The following CHRM3 variants were observed in gnomAD, a reference collection of about 807,000 sequenced individuals.
CHRM3 encodes muscarinic acetylcholine receptor M3.
Under a neutral mutation model 41.8 loss-of-function variants are expected in CHRM3, and 11 were observed. The observed-to-expected ratio is 0.26, with a 90% CI of 0.17 to 0.44. CHRM3 has a LOEUF of 0.44. CHRM3 is among the 20% of genes least tolerant of loss of function. CHRM3 has a pLI of 1.00. For synonymous variants in CHRM3, 297 were observed against 301.4 expected (o/e 0.99, Z 0.15); for missense variants, 571 against 745.4 (o/e 0.77, Z 2.72).
At chr1:239,731,028 C>G (rs1378231468) in intron 5 of CHRM3, among the ~76,000 whole-genome samples, 2 of 151,876 alleles carry the variant, frequency 1.3e-5, no homozygotes, top group Non-Finnish European at 2.9e-5. Flanking sequence ...AGAAAAAATA[C>G]AACTTTAAGT....
chr1:239,760,547 A>C (rs1666672623), intron 5 of CHRM3, among the ~76,000 whole-genome samples: 1 of 151,396 alleles, frequency 6.6e-6, no homozygotes, highest in South Asian at 2.1e-4. Context: ...CCACCTACAC[A>C]CCTTTCCTTA....
rs574340205 is a variant in CHRM3, at chr1:239,527,649, G to T, written c.-421-17992G>T. ...CTGAGCCCCCACATCAGTCAATTGTGCTTTTCTCTGTGTTCTTACGGTGCT... is the reference window on the plus strand; with the variant it reads ...CTGAGCCCCCACATCAGTCAATTGTTCTTTTCTCTGTGTTCTTACGGTGCT... On this transcript the variant is annotated intron_variant, in intron 2 of 6. Coordinates refer to ENST00000676153, the MANE Select transcript of CHRM3 (RefSeq NM_001375978.1). Among the ~76,000 whole-genome samples the T allele has an allele frequency of 7.2e-5, 11 of 152,236 alleles. No individual in the cohort carries two copies. The East Asian group carries it at 2.1e-3, about 29-fold the overall frequency.
chr1:239,689,749 A>G (rs995263704), intron 5 of CHRM3, among the ~76,000 whole-genome samples: 1 of 152,188 alleles, frequency 6.6e-6, no homozygotes, highest in African/African-American at 2.4e-5. Context: ...GCCTTTGTGG[A>G]GGTTATATTC....
chr1:239,582,390 A>T (rs1181268277), intron 3 of CHRM3, among the ~76,000 whole-genome samples: 1 of 152,180 alleles, frequency 6.6e-6, no homozygotes, highest in Non-Finnish European at 1.5e-5. Flanking sequence ...GAGTTATTTT[A>T]TCGCTAACTC....
intron 1 of CHRM3, among the ~76,000 whole-genome samples, chr1:239,463,382 C>T (rs1275472778): frequency 6.6e-6 from 1 of 152,112 alleles, no homozygotes; most frequent in African/African-American, 2.4e-5. Flanking sequence ...TCCCTCCTTG[C>T]TCATTCTTTT....
At chr1:239,407,425 G>T (rs199641195) in intron 1 of CHRM3, among the ~76,000 whole-genome samples, 3,004 of 112,244 alleles carry the variant, frequency 0.027, 55 homozygotes, top group African/African-American at 0.033. Flanking sequence ...TATAGAGAGA[G>T]AGAGAGAGAG....
intron 5 of CHRM3, among the ~76,000 whole-genome samples, chr1:239,815,925 G>A (rs1049597617): frequency 6.6e-6 from 1 of 152,094 alleles, no homozygotes; most frequent in Admixed American, 6.6e-5. Context: ...TGGTGCTTCT[G>A]TCTCAATAAC....
At chr1:239,851,066 A>G (rs1674661457) in intron 6 of CHRM3, among the ~76,000 whole-genome samples, 1 of 152,158 alleles carries the variant, frequency 6.6e-6, no homozygotes, top group African/African-American at 2.4e-5. Context: ...AGAAAATCAG[A>G]GCTAACCTAG....
At position 239,553,664 on chromosome 1, in the gene CHRM3, C is replaced by T. The variant is rs183263994; in HGVS notation, c.-313+7915C>T. 1.0e-3 allele frequency among the ~76,000 whole-genome samples: 154 copies of T among 152,216 alleles called. 2 individuals are homozygous for T. Among genetic ancestry groups the T allele is most frequent in the Non-Finnish European group, 2.4e-4 (16 of 68,014 alleles). On this transcript the variant is annotated intron_variant, in intron 3 of 6. Coordinates refer to ENST00000676153, the MANE Select transcript of CHRM3 (RefSeq NM_001375978.1). ...AACAAGTGTCTTTTCTATCCCATCC[C>T]GCTCCCATCAAAATGCTTTCACATG...
chr1:239,900,616 A>T (rs916211187), intron 6 of CHRM3, among the ~76,000 whole-genome samples: 4 of 152,016 alleles, frequency 2.6e-5, no homozygotes, highest in Non-Finnish European at 5.9e-5. Context: ...CAGCCTTGAT[A>T]TGAATAGATT....
intron 2 of CHRM3, among the ~76,000 whole-genome samples, chr1:239,494,718 G>T (rs995606206): frequency 6.6e-6 from 1 of 151,998 alleles, no homozygotes; most frequent in African/African-American, 2.4e-5. Flanking sequence ...TCCCTGATAG[G>T]CCCCAGTGTG....
intron 5 of CHRM3, among the ~76,000 whole-genome samples, chr1:239,689,070 A>T (rs1350274524): frequency 6.6e-6 from 1 of 151,526 alleles, no homozygotes; most frequent in Non-Finnish European, 1.5e-5. Context: ...CTATTCAAAG[A>T]TTCAAAAATT....
At chr1:239,806,584 T>C (rs1447192901) in intron 5 of CHRM3, among the ~76,000 whole-genome samples, 2 of 152,210 alleles carry the variant, frequency 1.3e-5, no homozygotes, top group Admixed American at 6.5e-5. Context: ...GCCTGCATAG[T>C]TGCAAGTCAC....
chr1:239,800,358 C>T (rs1206468004), intron 5 of CHRM3, among the ~76,000 whole-genome samples: 2 of 152,194 alleles, frequency 1.3e-5, no homozygotes, highest in African/African-American at 2.4e-5. Context: ...GTTAAGATAT[C>T]GTCATCATCT....
intron 3 of CHRM3, among the ~76,000 whole-genome samples, chr1:239,618,279 T>C (rs866583428): frequency 0.033 from 4,407 of 133,416 alleles, 308 homozygotes; most frequent in African/African-American, 0.12. Flanking sequence ...TTTTCTTTCT[T>C]TTTTTTTTTT....
rs116648268 is a variant in CHRM3, at chr1:239,746,149, G to A, written c.-147+67861G>A. On this transcript the variant is annotated intron_variant, in intron 5 of 6. Transcript: ENST00000676153. Reference sequence around the variant, plus strand: ...AATCAAATGTTAGCATTTCATTGTGGAAAACCAATGGAGCATTCTGCCCAA... The same window carrying A: ...AATCAAATGTTAGCATTTCATTGTGAAAAACCAATGGAGCATTCTGCCCAA... Among the ~76,000 whole-genome samples the A allele has an allele frequency of 5.4e-3, 818 of 152,308 alleles. 2 individuals are homozygous for A. Among genetic ancestry groups the A allele is most frequent in the Middle Eastern group, 0.014 (4 of 294 alleles).
chr1:239,796,416 G>A (rs1242257654), intron 5 of CHRM3, among the ~76,000 whole-genome samples: 1 of 152,104 alleles, frequency 6.6e-6, no homozygotes, highest in Non-Finnish European at 1.5e-5. Flanking sequence ...TACCACCAAA[G>A]GTCTTATCAT....
intron 4 of CHRM3, among the ~76,000 whole-genome samples, chr1:239,656,245 C>T (rs2148990241): frequency 6.6e-6 from 1 of 152,078 alleles, no homozygotes; most frequent in Non-Finnish European, 1.5e-5. Flanking sequence ...ACACCTAAAC[C>T]TCGACATCAC....
Position 239,493,411 on chromosome 1 carries a change from A to G in CHRM3, c.-422+604A>G, listed in dbSNP as rs1019919461. ...CCACTTTTTATCAAAACTCTATCAG[A>G]TGAATTTTTCTAAAAAATTATACAT... On this transcript the variant is annotated intron_variant, in intron 2 of 6. Coordinates refer to ENST00000676153, the MANE Select transcript of CHRM3 (RefSeq NM_001375978.1). Among the ~76,000 whole-genome samples, 156 of 152,338 alleles carry G rather than the reference A, an allele frequency of 1.0e-3. 1 individual carries two copies. Among genetic ancestry groups the G allele is most frequent in the African/African-American group, 3.7e-3 (152 of 41,588 alleles).
Sources: allele counts gnomAD v4.1 joint callset (sites outside exome capture counted in the v4.1 genomes callset), GRCh38; gene constraint gnomAD v4.1.1; transcripts MANE v1.5; gene names NCBI Gene and HGNC (gene_info 2026-07-23, HGNC 2026-07-21).